Variants in HS6ST3 observed in about 807,000 individuals in gnomAD.
HS6ST3 encodes the protein heparan-sulfate 6-O-sulfotransferase 3.
Under a neutral mutation model 36.7 loss-of-function variants are expected in HS6ST3, and 12 were observed. The observed-to-expected ratio is 0.33, with a 90% CI of 0.21 to 0.53. The LOEUF (loss-of-function observed/expected upper bound fraction) is 0.53, where lower values mean the gene tolerates loss of function less well. Among genes scored for constraint, HS6ST3 ranks in the 20% least tolerant of loss-of-function variants. HS6ST3 has a pLI of 0.95. For missense variants in HS6ST3, 584 were observed against 640.9 expected (o/e 0.91, Z 0.96); for synonymous variants, 240 against 257.5 (o/e 0.93, Z 0.65).
chr13:96,110,159 C>T (rs2053861199), intron 1 of HS6ST3, among the ~76,000 whole-genome samples: 1 of 152,088 alleles, frequency 6.6e-6, no homozygotes, highest in African/African-American at 2.4e-5. Flanking sequence ...TTCTGCTTGG[C>T]TTCTGGTGAG....
At position 96,633,257 on chromosome 13, in the gene HS6ST3, A is replaced by T. The variant is rs185638187; in HGVS notation, c.708-199233A>T. Reference sequence around the variant, plus strand: ...ATAAAACACAATGGGGAAAGCAGAAATGAAGAGCAACTGCAGAAACAAAAT... The same window carrying T: ...ATAAAACACAATGGGGAAAGCAGAATTGAAGAGCAACTGCAGAAACAAAAT... On this transcript the variant is annotated intron_variant, in intron 1 of 1. Transcript: ENST00000376705. 3.6e-3 allele frequency among the ~76,000 whole-genome samples: 548 copies of T among 152,318 alleles called. 4 individuals are homozygous for T. Among genetic ancestry groups the T allele is most frequent in the African/African-American group, 0.012 (517 of 41,592 alleles).
chr13:96,250,373 T>G (rs2054602435), intron 1 of HS6ST3, among the ~76,000 whole-genome samples: 1 of 152,164 alleles, frequency 6.6e-6, no homozygotes, highest in African/African-American at 2.4e-5. Context: ...ATGTGTAAGT[T>G]AAGAATCTGG....
chr13:96,419,545 G>A (rs55835521), intron 1 of HS6ST3, among the ~76,000 whole-genome samples: 2,091 of 152,296 alleles, frequency 0.014, 22 homozygotes, highest in Non-Finnish European at 0.022. Flanking sequence ...TTGTATAAAA[G>A]AGTATATTTG....
chr13:96,575,855 C>T (rs1261225261), intron 1 of HS6ST3, among the ~76,000 whole-genome samples: 1 of 152,214 alleles, frequency 6.6e-6, no homozygotes, highest in Non-Finnish European at 1.5e-5. Flanking sequence ...CACAAAGGCA[C>T]TGCTAAATGA....
intron 1 of HS6ST3, among the ~76,000 whole-genome samples, chr13:96,481,732 A>T (rs2138898407): frequency 6.6e-6 from 1 of 152,274 alleles, no homozygotes; most frequent in African/African-American, 2.4e-5. Context: ...TCAGCTAAAA[A>T]AGAAGGAGCA....
chr13:96,528,626 A>C (rs548448578), intron 1 of HS6ST3, among the ~76,000 whole-genome samples: 1 of 152,346 alleles, frequency 6.6e-6, no homozygotes, highest in African/African-American at 2.4e-5. Context: ...TAAAGTTGAC[A>C]ATGTATTTTA....
chr13:96,831,761 C>G (rs1018817250), intron 1 of HS6ST3, among the ~76,000 whole-genome samples: 2 of 151,888 alleles, frequency 1.3e-5, no homozygotes, highest in African/African-American at 4.8e-5. Context: ...TCAAGACTAG[C>G]CTGGCCAACA....
chr13:96,638,167 T>C (rs1249669354), intron 1 of HS6ST3, among the ~76,000 whole-genome samples: 1 of 152,058 alleles, frequency 6.6e-6, no homozygotes, highest in African/African-American at 2.4e-5. Flanking sequence ...ACACTACTTA[T>C]CTTACCTACT....
chr13:96,810,967 A>G (rs2138534964), intron 1 of HS6ST3, among the ~76,000 whole-genome samples: 1 of 152,276 alleles, frequency 6.6e-6, no homozygotes, highest in Admixed American at 6.5e-5. Flanking sequence ...TCCAAATACT[A>G]ACAATAGAGA....
rs151217144 is a variant in HS6ST3, at chr13:96,216,406, C to T, written c.707+124837C>T. 2.2e-3 allele frequency among the ~76,000 whole-genome samples: 335 copies of T among 152,248 alleles called. 1 individual carries two copies. Among genetic ancestry groups the T allele is most frequent in the African/African-American group, 7.7e-3 (319 of 41,542 alleles). Reference sequence around the variant, plus strand: ...AATGTTGACTACTAAAAGTTTCTTTCCTTCCTGCTCCCCGCCCACCAATAA... The same window carrying T: ...AATGTTGACTACTAAAAGTTTCTTTTCTTCCTGCTCCCCGCCCACCAATAA... On this transcript the variant is annotated intron_variant, in intron 1 of 1. Transcript: ENST00000376705.
intron 1 of HS6ST3, among the ~76,000 whole-genome samples, chr13:96,466,623 CAAA>C (rs1234195673): frequency 5.3e-5 from 8 of 151,814 alleles, no homozygotes; most frequent in Admixed American, 5.2e-4. Flanking sequence ...TTTTTTAAAT[CAAA>C]GAAGAAAAGA....
chr13:96,740,005 TG>T (rs1475002448), intron 1 of HS6ST3, among the ~76,000 whole-genome samples: 1 of 152,198 alleles, frequency 6.6e-6, no homozygotes, highest in Non-Finnish European at 1.5e-5. Context: ...ACTGTGTCCA[TG>T]AGACACTTTC....
chr13:96,096,406 T>A (rs1334029242), intron 1 of HS6ST3, among the ~76,000 whole-genome samples: 1 of 152,218 alleles, frequency 6.6e-6, no homozygotes, highest in Non-Finnish European at 1.5e-5. Context: ...TAAAAGGAAT[T>A]TCTTCTTGGG....
At chr13:96,625,269 G>T (rs147804690) in intron 1 of HS6ST3, among the ~76,000 whole-genome samples, 2 of 152,178 alleles carry the variant, frequency 1.3e-5, no homozygotes, top group African/African-American at 4.8e-5. Flanking sequence ...GTAACTAAAG[G>T]TTGCTTTTGG....
intron 1 of HS6ST3, among the ~76,000 whole-genome samples, chr13:96,209,444 A>G (rs973503284): frequency 1.1e-4 from 16 of 152,098 alleles, no homozygotes; most frequent in Non-Finnish European, 2.2e-4. Flanking sequence ...AATCTTCGTT[A>G]TTGTTGGCCT....
intron 1 of HS6ST3, among the ~76,000 whole-genome samples, chr13:96,312,116 C>T (rs2054944265): frequency 6.6e-6 from 1 of 152,128 alleles, no homozygotes; most frequent in Non-Finnish European, 1.5e-5. Flanking sequence ...TAATCTGAAC[C>T]AACACTGCCT....
chr13:96,383,832 C>T (rs1489640851), intron 1 of HS6ST3, among the ~76,000 whole-genome samples: 3 of 152,198 alleles, frequency 2.0e-5, no homozygotes, highest in East Asian at 1.9e-4. Context: ...AGATGGGGTC[C>T]GAGGTTAGGT....
chr13:96,274,839 TCACACA>T (rs60430769), intron 1 of HS6ST3, among the ~76,000 whole-genome samples: 13,102 of 125,832 alleles, frequency 0.1, 691 homozygotes, highest in East Asian at 0.18. Context: ...ACTTAGTCCT[TCACACA>T]CACACACACA....
chr13:96,153,610 A>G (rs1484515617), intron 1 of HS6ST3, among the ~76,000 whole-genome samples: 2 of 152,318 alleles, frequency 1.3e-5, no homozygotes, highest in Admixed American at 6.5e-5. Flanking sequence ...CTCATGTTCT[A>G]TATGCAAATA....
Sources: gnomAD v4.1 joint callset for allele counts (sites outside exome capture counted in the v4.1 genomes callset) on GRCh38, gnomAD v4.1.1 for gene constraint, MANE v1.5 for transcripts, NCBI Gene and HGNC (gene_info 2026-07-23, HGNC 2026-07-21) for gene names.